ZFP62: variants seen among roughly 807,000 people sequenced by gnomAD.
ZFP62 encodes zinc finger protein 62 homolog.
Under a neutral mutation model 56.4 loss-of-function variants are expected in ZFP62, and 44 were observed. The observed-to-expected ratio is 0.78, with a 90% CI of 0.61 to 1.00. The LOEUF is 1.00. Ranked by LOEUF, ZFP62 falls within the 50% of genes least tolerant of loss-of-function variation. ZFP62 has a pLI of 0.00. For missense variants in ZFP62, 1,030 were observed against 1,085.7 expected (o/e 0.95, Z 0.72); for synonymous variants, 421 against 388.9 (o/e 1.08, Z -0.97).
rs1225849692 is a variant in ZFP62, at chr5:180,851,352, T to G, written c.143A>C (p.Lys48Thr). The G allele has an allele frequency of 6.4e-7, 1 of 1,551,568 alleles. No individual in the cohort carries two copies. The highest frequency in any genetic ancestry group is 8.7e-7 in the Non-Finnish European group (1 of 1,147,002). Residue 48 changes from lysine (K) to threonine (T), a missense_variant, in exon 2 of 2, where the codon AAG becomes ACG. By Grantham distance (78) the Lys-to-Thr change is moderately conservative. Transcript: ENST00000502412. ...KVGDTCVWDS[K>T]VENQQKKPVE... ...AGGCTTTTTCTGTTGATTCTCTACC[T>G]TGCTATCCCAAACACATGTGTCACC...
At chr5:180,830,403 C>A in the ZFP62 span, 1 of 152,454 alleles carries the variant, frequency 6.6e-6, no homozygotes, top group African/African-American at 2.4e-5. Context: ...TCCGGAGCAA[C>A]CTTCTTAGAT....
intron 1 of ZFP62, among the ~76,000 whole-genome samples, chr5:180,859,100 A>T (rs573097277): frequency 1.3e-4 from 20 of 152,260 alleles, no homozygotes; most frequent in African/African-American, 4.8e-4. Context: ...GAGCCGAGAC[A>T]ACTCGTTAGA....
In ZFP62 at chr5:180,851,050, AT is replaced by A; in HGVS notation, c.444del (p.Lys148AsnfsTer66). 1 of 1,551,718 alleles carries A rather than the reference AT, an allele frequency of 6.4e-7. No homozygotes were observed. The highest frequency in any genetic ancestry group is 8.7e-7 in the Non-Finnish European group (1 of 1,146,998). On this transcript the variant is annotated frameshift_variant, in exon 2 of 2. Coordinates refer to ENST00000502412, the MANE Select transcript of ZFP62 (RefSeq NM_001172638.2). LOFTEE classifies it high-confidence loss of function. Reference sequence around the variant, plus strand: ...ACAAGGCGGGAATTATATTTGAAGGATTTCCCACATTCATCACATTTATGTA... The same window carrying A: ...ACAAGGCGGGAATTATATTTGAAGGATTCCCACATTCATCACATTTATGTA... ...KKLHKCDECGKSFKYNSRLVQ... is the reference protein window; with the variant it reads ...KKLHKCDECGXSFKYNSRLVQ...
chr5:180,850,594 T>G lies in ZFP62; in HGVS notation c.901A>C (p.Arg301=). Reference sequence around the variant, plus strand: ...TAAGGTTTCTCACCTGTGTGGATCCTTTTATGGACCCTAAGGCCAGAGCTG... The same window carrying G: ...TAAGGTTTCTCACCTGTGTGGATCCGTTTATGGACCCTAAGGCCAGAGCTG... ...SNSSGLRVHK[R]IHTGEKPYEC... Residue 301 remains arginine (R), a synonymous_variant, in exon 2 of 2, where the codon AGG becomes CGG. Transcript: ENST00000502412. 6.4e-7 allele frequency: 1 copy of G among 1,562,716 alleles called. No individual in the cohort carries two copies.
At chr5:180,851,753 A>G (rs1369837954) in intron 1 of ZFP62, among the ~76,000 whole-genome samples, 2 of 152,222 alleles carry the variant, frequency 1.3e-5, no homozygotes, top group African/African-American at 2.4e-5. Context: ...CTATTCTTGC[A>G]TAACAGCTTA....
chr5:180,840,285 G>C, the ZFP62 span, among the ~76,000 whole-genome samples: 1 of 152,192 alleles, frequency 6.6e-6, no homozygotes, highest in Non-Finnish European at 1.5e-5. Flanking sequence ...CGTGAAAAGG[G>C]GCAGTCAGCT....
At chr5:180,852,397 T>C (rs1248401393) in intron 1 of ZFP62, among the ~76,000 whole-genome samples, 1 of 151,630 alleles carries the variant, frequency 6.6e-6, no homozygotes, top group Non-Finnish European at 1.5e-5. Context: ...CTAGTAAAAA[T>C]ACAAAAATTA....
chr5:180,857,332 T>C (rs1774041169), intron 1 of ZFP62, among the ~76,000 whole-genome samples: 1 of 20,922 alleles, frequency 4.8e-5, no homozygotes, highest in Non-Finnish European at 2.7e-4. Context: ...ACTATTTTTG[T>C]TTAAGCATTC....
At chr5:180,858,736 T>C (rs1774142873) in intron 1 of ZFP62, among the ~76,000 whole-genome samples, 1 of 152,182 alleles carries the variant, frequency 6.6e-6, no homozygotes, top group Admixed American at 6.5e-5. Flanking sequence ...AGCTAAGTCA[T>C]GTGTCCCTGA....
rs1214984304 is a variant in ZFP62, at chr5:180,849,460, C to T, written c.2035G>A (p.Gly679Arg). Residue 679 changes from glycine (G) to arginine (R), a missense_variant, in exon 2 of 2, where the codon GGA becomes AGA. By Grantham distance (125) the Gly-to-Arg change is moderately radical (BLOSUM62 -2). Coordinates refer to ENST00000502412, the MANE Select transcript of ZFP62 (RefSeq NM_001172638.2). ...GERPYECDVC[G>R]KAYISHSSLI... is the part of the protein sequence containing the mutation. ...CTTGAGTGTGAGATGTAGGCTTTTCCACACACATCACATTCATAGGGCCTC... is the reference window on the plus strand; with the variant it reads ...CTTGAGTGTGAGATGTAGGCTTTTCTACACACATCACATTCATAGGGCCTC... The T allele has an allele frequency of 6.4e-7, 1 of 1,552,016 alleles. No homozygotes were observed. Among genetic ancestry groups the T allele is most frequent in the South Asian group, 1.2e-5 (1 of 84,060 alleles).
rs1221124673 is a variant in ZFP62, at chr5:180,849,376, C to T, written c.2119G>A (p.Gly707Arg). Residue 707 changes from glycine (G) to arginine (R), a missense_variant, in exon 2 of 2, where the codon GGA (glycine) becomes AGA (arginine). Transcript: ENST00000502412. ...GTTCTGCTTGAGAAAAAAGCTTTTC[C>T]ACATTCATCACATGTATGGGGTGTC... ...GRTPHTCDEC[G>R]KAFFSSRTLI... 1.3e-6 allele frequency: 2 copies of T among 1,550,898 alleles called. No homozygotes were observed.
At chr5:180,856,978 A>C (rs2619757) in intron 1 of ZFP62, among the ~76,000 whole-genome samples, 1 of 129,810 alleles carries the variant, frequency 7.7e-6, no homozygotes, top group African/African-American at 2.9e-5. Context: ...AAAAAAAAAA[A>C]GCAAATACAG....
chr5:180,861,248 C>A lies in ZFP62; in HGVS notation c.-29G>T, dbSNP rs911149890. The A allele has an allele frequency of 1.0e-5, 4 of 397,668 alleles. No homozygotes were observed. Among genetic ancestry groups the A allele is most frequent in the East Asian group, 3.6e-5 (1 of 28,046 alleles). The allele number at this position is 397,668 out of a possible 1,614,324, so 24.6% of individuals were successfully genotyped here. ...TGTGGCGGCGCCGCGGGAACCCGGC[C>A]GCCAGCGGGACAAAAGCGCGGACCG... On this transcript the variant is annotated 5_prime_UTR_variant, in exon 1 of 2. Transcript: ENST00000502412.
chr5:180,838,505 G>C, the ZFP62 span, among the ~76,000 whole-genome samples: 1 of 152,234 alleles, frequency 6.6e-6, no homozygotes, highest in Admixed American at 6.5e-5. Context: ...CACGGGGTCT[G>C]AGCATTAGGT....
chr5:180,853,789 G>T (rs2113698051), intron 1 of ZFP62, among the ~76,000 whole-genome samples: 1 of 152,188 alleles, frequency 6.6e-6, no homozygotes, highest in East Asian at 1.9e-4. Flanking sequence ...GTAGAGGTAT[G>T]AACAAAGCGA....
At chr5:180,832,633 ACTTT>A in the ZFP62 span, 1 of 152,178 alleles carries the variant, frequency 6.6e-6, no homozygotes, top group Non-Finnish European at 1.5e-5. Context: ...CAGTGTTTTC[ACTTT>A]CTATCTTGTG....
At position 180,847,743 on chromosome 5, in the gene ZFP62, C is replaced by T; in HGVS notation, c.*1049G>A. 2.0e-6 allele frequency: 2 copies of T among 985,442 alleles called. No homozygotes were observed. The highest frequency in any genetic ancestry group is 2.4e-6 in the Non-Finnish European group (2 of 829,932). The allele number at this position is 985,442 out of a possible 1,614,324, so 61.0% of individuals were successfully genotyped here. ...TTTACAACAGACAACATATACATGT[C>T]CTGCATGACATCTTTACAATAACAC... On this transcript the variant is annotated 3_prime_UTR_variant, in exon 2 of 2. Transcript: ENST00000502412.
At position 180,850,186 on chromosome 5, in the gene ZFP62, G is replaced by C; in HGVS notation, c.1309C>G (p.Leu437Val). 6.4e-7 allele frequency: 1 copy of C among 1,551,932 alleles called. No individual in the cohort carries two copies. Among genetic ancestry groups the C allele is most frequent in the East Asian group, 2.4e-5 (1 of 40,918 alleles). Residue 437 changes from leucine (L) to valine (V), a missense_variant, in exon 2 of 2, where the codon CTT becomes GTT. Transcript: ENST00000502412. Reference sequence around the variant, plus strand: ...CCGGTATGAATAGTTCTGTGTTGAAGAAGTAGTGAGTTATAACTAAAGGAT... The same window carrying C: ...CCGGTATGAATAGTTCTGTGTTGAACAAGTAGTGAGTTATAACTAAAGGAT... ...GKSFSYNSLL[L>V]QHRTIHTGER...
downstream of ZFP62, among the ~76,000 whole-genome samples, chr5:180,845,057 T>C (rs1773381743): frequency 6.6e-6 from 1 of 152,098 alleles, no homozygotes; most frequent in African/African-American, 2.4e-5. Context: ...TATGGTAGCC[T>C]GTGGTGGTTC....
Sources: allele counts gnomAD v4.1 joint callset (sites outside exome capture counted in the v4.1 genomes callset), GRCh38; gene constraint gnomAD v4.1.1; transcripts MANE v1.5; gene names NCBI Gene and HGNC (gene_info 2026-07-23, HGNC 2026-07-21).